ZDHHC14: variants seen among roughly 807,000 people sequenced by gnomAD.
The protein encoded by ZDHHC14 is zDHHC palmitoyltransferase 14.
A neutral mutation model predicts 47.7 loss-of-function variants in ZDHHC14; 16 were observed. That is an observed-to-expected ratio of 0.34 (90% CI 0.23 to 0.51). The LOEUF is 0.51. Among genes scored for constraint, ZDHHC14 ranks in the 20% least tolerant of loss-of-function variants. The probability of loss-of-function intolerance (pLI) is 0.97; values close to 1 mark genes in which losing one functional copy is unlikely to be tolerated. For missense variants in ZDHHC14, 515 were observed against 662.5 expected (o/e 0.78, Z 2.44); for synonymous variants, 293 against 278.9 (o/e 1.05, Z -0.50).
intron 3 of ZDHHC14, among the ~76,000 whole-genome samples, chr6:157,594,355 G>C (rs1202372095): frequency 1.3e-5 from 2 of 152,138 alleles, no homozygotes; most frequent in African/African-American, 4.8e-5. Context: ...AATGGGTTCT[G>C]CTTCTCCCAT....
chr6:157,448,757 A>C (rs936742793), intron 1 of ZDHHC14, among the ~76,000 whole-genome samples: 3 of 152,182 alleles, frequency 2.0e-5, no homozygotes, highest in African/African-American at 7.2e-5. Context: ...TTGTATTTTC[A>C]GTAGAGACGA....
chr6:157,526,360 G>A (rs9457693), intron 1 of ZDHHC14, among the ~76,000 whole-genome samples: 11,452 of 152,038 alleles, frequency 0.075, 1,511 homozygotes, highest in African/African-American at 0.26. Context: ...AGTGCCCGGC[G>A]TCCACTCCCA....
chr6:157,611,673 C>G (rs1784755674), intron 3 of ZDHHC14, among the ~76,000 whole-genome samples: 1 of 152,180 alleles, frequency 6.6e-6, no homozygotes, highest in Non-Finnish European at 1.5e-5. Flanking sequence ...CAAGTGCTCA[C>G]CTTATTTCTG....
At chr6:157,571,828 A>G (rs1783109913) in intron 2 of ZDHHC14, among the ~76,000 whole-genome samples, 1 of 147,152 alleles carries the variant, frequency 6.8e-6, no homozygotes, top group Non-Finnish European at 1.5e-5. Context: ...CCTTTCGTGA[A>G]TGGTGCTTGG....
At chr6:157,497,845 C>G (rs746838945) in intron 1 of ZDHHC14, among the ~76,000 whole-genome samples, 2 of 152,158 alleles carry the variant, frequency 1.3e-5, no homozygotes, top group African/African-American at 2.4e-5. Context: ...TTTCTACCAT[C>G]CTGATCAACA....
chr6:157,645,664 C>T (rs528959479), intron 5 of ZDHHC14, 73 bp from the exon 6 acceptor site: 14 of 1,241,106 alleles, frequency 1.1e-5, no homozygotes, highest in Non-Finnish European at 1.5e-5. Flanking sequence ...GGGGGTGTTT[C>T]GGTTCCAGGC....
At chr6:157,522,230 A>G (rs1780944084) in intron 1 of ZDHHC14, among the ~76,000 whole-genome samples, 1 of 152,190 alleles carries the variant, frequency 6.6e-6, no homozygotes. Context: ...TGTGCAGTAT[A>G]TTCATTCCTC....
At chr6:157,659,091 C>T (rs1232035917) in intron 8 of ZDHHC14, among the ~76,000 whole-genome samples, 1 of 151,986 alleles carries the variant, frequency 6.6e-6, no homozygotes, top group Non-Finnish European at 1.5e-5. Flanking sequence ...AATTTGTTAC[C>T]GTTTTCTCAT....
intron 1 of ZDHHC14, among the ~76,000 whole-genome samples, chr6:157,486,370 G>A (rs79200746): frequency 0.029 from 4,491 of 152,254 alleles, 114 homozygotes; most frequent in Non-Finnish European, 0.047. Flanking sequence ...TTGGGCAGTC[G>A]ACAAATTTCT....
intron 1 of ZDHHC14, among the ~76,000 whole-genome samples, chr6:157,443,764 T>A (rs1778605095): frequency 6.6e-6 from 1 of 152,220 alleles, no homozygotes; most frequent in Admixed American, 6.5e-5. Flanking sequence ...GATCGACTCA[T>A]GTTTGAATCC....
chr6:157,463,284 CA>C lies in ZDHHC14; in HGVS notation c.246-79299del, dbSNP rs1031775414. On this transcript the variant is annotated intron_variant, in intron 1 of 8. Coordinates refer to ENST00000359775, the MANE Select transcript of ZDHHC14 (RefSeq NM_024630.3). The surrounding 1 kb of genome is among the most constrained non-coding windows in gnomAD (Gnocchi z 4.4). ...CATAGAACAATTGAAATTGGTTTTT[CA>C]ATAGAAACAATTGAATAGTCCAGAT... Among the ~76,000 whole-genome samples the C allele has an allele frequency of 3.2e-4, 48 of 151,688 alleles. No homozygotes were observed. Among genetic ancestry groups the C allele is most frequent in the African/African-American group, 1.1e-3 (46 of 41,526 alleles).
chr6:157,559,431 C>T (rs1445719803), intron 2 of ZDHHC14, among the ~76,000 whole-genome samples: 1 of 152,214 alleles, frequency 6.6e-6, no homozygotes, highest in Non-Finnish European at 1.5e-5. Context: ...TGCCTCTTTC[C>T]GTGGGCATGA....
At position 157,562,287 on chromosome 6, in the gene ZDHHC14, C is replaced by G. The variant is rs1419269486; in HGVS notation, c.406+19542C>G. Among the ~76,000 whole-genome samples, 4 of 152,278 alleles carry G rather than the reference C, an allele frequency of 2.6e-5. No individual in the cohort carries two copies. The East Asian group carries it at 7.7e-4, about 29-fold the overall frequency. On this transcript the variant is annotated intron_variant, in intron 2 of 8. Transcript: ENST00000359775. ...GGCAATGAAGGGCAGAAGTGGGGAC[C>G]AGGGATGCCCAACTGGGGTTTAGCC...
chr6:157,423,436 C>T (rs144378679), intron 1 of ZDHHC14, among the ~76,000 whole-genome samples: 11 of 152,158 alleles, frequency 7.2e-5, no homozygotes, highest in African/African-American at 2.6e-4. Flanking sequence ...GGTATAATAA[C>T]ATTATCCCTA....
intron 3 of ZDHHC14, among the ~76,000 whole-genome samples, chr6:157,611,271 A>G (rs1007320915): frequency 6.6e-6 from 1 of 152,192 alleles, no homozygotes; most frequent in Non-Finnish European, 1.5e-5. Flanking sequence ...AAGTGCTGGG[A>G]TTACAGTCAT....
At chr6:157,485,874 G>A (rs753238427) in intron 1 of ZDHHC14, among the ~76,000 whole-genome samples, 3 of 152,090 alleles carry the variant, frequency 2.0e-5, no homozygotes, top group South Asian at 2.1e-4. Flanking sequence ...TTAGCTGGGT[G>A]TGGTAGCACG....
intron 1 of ZDHHC14, among the ~76,000 whole-genome samples, chr6:157,450,685 T>G (rs1423052507): frequency 6.6e-6 from 1 of 152,184 alleles, no homozygotes; most frequent in African/African-American, 2.4e-5. Flanking sequence ...AAGTCACATA[T>G]TTACTGCAAG....
At chr6:157,558,136 C>G (rs1377864044) in intron 2 of ZDHHC14, among the ~76,000 whole-genome samples, 2 of 152,134 alleles carry the variant, frequency 1.3e-5, no homozygotes, top group Non-Finnish European at 2.9e-5. Context: ...GTTACATTCT[C>G]TTTTTTTGTA....
At chr6:157,521,096 T>G (rs917748775) in intron 1 of ZDHHC14, among the ~76,000 whole-genome samples, 4 of 152,188 alleles carry the variant, frequency 2.6e-5, no homozygotes, top group Non-Finnish European at 5.9e-5. Flanking sequence ...GGCCAGTGGA[T>G]GCGCAGATGT....
Sources: allele counts gnomAD v4.1 joint callset (sites outside exome capture counted in the v4.1 genomes callset), GRCh38; gene constraint gnomAD v4.1.1; non-coding constraint Gnocchi (gnomAD v3.1); transcripts MANE v1.5; gene names NCBI Gene and HGNC (gene_info 2026-07-23, HGNC 2026-07-21).